The following KIF13A variants were observed in gnomAD, a reference collection of about 807,000 sequenced individuals.
The protein encoded by KIF13A is kinesin-like protein KIF13A.
KIF13A carries 79 observed loss-of-function variants against 212.2 expected under a neutral mutation model. The observed-to-expected ratio is 0.37, with a 90% CI of 0.31 to 0.45. The LOEUF (loss-of-function observed/expected upper bound fraction) is 0.45, where lower values mean the gene tolerates loss of function less well. Ranked by LOEUF, KIF13A falls within the 20% of genes least tolerant of loss-of-function variation. KIF13A has a pLI of 1.00. For synonymous variants in KIF13A, 789 were observed against 808.6 expected, an observed-to-expected ratio of 0.98 and a Z score of 0.41; for missense variants, 1,901 against 2,209.0, an observed-to-expected ratio of 0.86 and a Z score of 2.79.
In KIF13A at chr6:17,837,347, G is replaced by A; in HGVS notation, c.942+125C>T. 2 of 710,820 alleles carry A rather than the reference G, an allele frequency of 2.8e-6. No homozygotes were observed. Among genetic ancestry groups the A allele is most frequent in the Non-Finnish European group, 4.8e-6 (2 of 418,884 alleles). The allele number at this position is 710,820 out of a possible 1,614,324, so 44.0% of individuals were successfully genotyped here. On this transcript the variant is annotated intron_variant, in intron 10 of 38. Transcript: ENST00000259711. This position sits in a 1 kb window ranked among gnomAD's most constrained non-coding sequence, Gnocchi z 5.4. ...AATAGTTTTCATTCTGTGTTCCTAG[G>A]AATTAGAATAACTGTCATCAGGAGA...
At chr6:17,908,064 G>A (rs949394433) in intron 2 of KIF13A, among the ~76,000 whole-genome samples, 4 of 152,156 alleles carry the variant, frequency 2.6e-5, no homozygotes, top group African/African-American at 9.7e-5. Flanking sequence ...AAGACAAAAA[G>A]TAGGACAGAA....
intron 12 of KIF13A, among the ~76,000 whole-genome samples, chr6:17,833,531 A>G (rs1245939817): frequency 6.8e-6 from 1 of 147,214 alleles, no homozygotes; most frequent in Non-Finnish European, 1.5e-5. Flanking sequence ...TGATCTTTGC[A>G]ATCTCTGGTT....
At chr6:17,940,469 A>G (rs1247182375) in intron 2 of KIF13A, among the ~76,000 whole-genome samples, 1 of 152,228 alleles carries the variant, frequency 6.6e-6, no homozygotes, top group African/African-American at 2.4e-5. Flanking sequence ...TAGTGAACCT[A>G]CAGATGAAAC....
chr6:17,864,833 T>C (rs116791887), intron 4 of KIF13A, among the ~76,000 whole-genome samples: 1,892 of 152,284 alleles, frequency 0.012, 44 homozygotes, highest in African/African-American at 0.043. Flanking sequence ...GTGTCCACAC[T>C]TGTGCATAAT....
At chr6:17,986,764 C>T (rs1233098586) in intron 2 of KIF13A, among the ~76,000 whole-genome samples, 2 of 152,262 alleles carry the variant, frequency 1.3e-5, no homozygotes, top group African/African-American at 4.8e-5. Flanking sequence ...GGACGAATCA[C>T]CTATGGGGTC....
chr6:17,949,619 T>G (rs1428763324), intron 2 of KIF13A, among the ~76,000 whole-genome samples: 1 of 152,126 alleles, frequency 6.6e-6, no homozygotes, highest in African/African-American at 2.4e-5. Flanking sequence ...AGTTCTTAAT[T>G]TTCTAGAGTT....
chr6:17,902,235 G>A (rs907976092), intron 2 of KIF13A, among the ~76,000 whole-genome samples: 12 of 152,058 alleles, frequency 7.9e-5, no homozygotes, highest in African/African-American at 2.7e-4. Flanking sequence ...CTTGCCTAAA[G>A]GTGTGTTTAT....
chr6:17,771,938 G>T lies in KIF13A; in HGVS notation c.4446C>A (p.Ala1482=). The part of the protein sequence containing the change: ...PVKEEHKKRI[A]LEARPLLSQE... Reference sequence around the variant, plus strand: ...GGCTTAGAAGAGGCCTTGCTTCCAGGGCTATCCTTTTCTTATGCTCCTCTT... The same window carrying T: ...GGCTTAGAAGAGGCCTTGCTTCCAGTGCTATCCTTTTCTTATGCTCCTCTT... Residue 1482 remains alanine (A), a synonymous_variant, in exon 37 of 39, where the codon GCC becomes GCA. Coordinates refer to ENST00000259711, the MANE Select transcript of KIF13A (RefSeq NM_022113.6). The surrounding 1 kb of genome is among the most constrained non-coding windows in gnomAD (Gnocchi z 5.4). The T allele has an allele frequency of 6.2e-7, 1 of 1,613,922 alleles. No homozygotes were observed. The highest frequency in any genetic ancestry group is 8.5e-7 in the Non-Finnish European group (1 of 1,179,860).
chr6:17,804,392 T>C lies in KIF13A; in HGVS notation c.2423A>G (p.Tyr808Cys). The change falls in exon 20 of 39, where the codon TAT becomes TGT. Residue 808 changes from tyrosine to cysteine, a missense_variant. Tyr to Cys is a radical substitution (Grantham distance 194). Around this residue, in one of 5 missense-constraint regions of KIF13A, gnomAD observed 534 missense variants for 536.9 expected, o/e 0.99. Transcript: ENST00000259711. ...ECLFCDVKLQ[Y>C]AVPIISQQGE... ...CTGCTGGCTGATGATAGGGACTGCA[T>C]ACTGAAGTTTCACATCACAGAAGAG... is the stretch of plus-strand genomic sequence containing the variant. The C allele has an allele frequency of 6.4e-7, 1 of 1,553,526 alleles. No individual in the cohort carries two copies. The highest frequency in any genetic ancestry group is 8.7e-7 in the Non-Finnish European group (1 of 1,147,764).
intron 2 of KIF13A, among the ~76,000 whole-genome samples, chr6:17,979,247 T>G (rs899408435): frequency 6.6e-6 from 1 of 152,118 alleles, no homozygotes; most frequent in African/African-American, 2.4e-5. Context: ...GAGTCCAGAT[T>G]GTGCCACTGC....
chr6:17,941,045 G>C (rs185522185), intron 2 of KIF13A, among the ~76,000 whole-genome samples: 1 of 151,974 alleles, frequency 6.6e-6, no homozygotes, highest in Non-Finnish European at 1.5e-5. Flanking sequence ...GGCTGGTCTC[G>C]AACTCCTGAC....
At chr6:17,937,835 A>G (rs926780631) in intron 2 of KIF13A, among the ~76,000 whole-genome samples, 3 of 148,094 alleles carry the variant, frequency 2.0e-5, no homozygotes, top group African/African-American at 7.5e-5. Flanking sequence ...CGCAACCTCC[A>G]CCTCCCAGGC....
At chr6:17,938,455 G>C (rs1053145501) in intron 2 of KIF13A, among the ~76,000 whole-genome samples, 4 of 152,166 alleles carry the variant, frequency 2.6e-5, no homozygotes, top group Non-Finnish European at 4.4e-5. Context: ...GCTTCATGAA[G>C]ATAGAACGGT....
chr6:17,898,783 CTCAGAAA>C lies in KIF13A; in HGVS notation c.147-610_147-604del, dbSNP rs1468944123. Among the ~76,000 whole-genome samples, 1 of 152,154 alleles carries C rather than the reference CTCAGAAA, an allele frequency of 6.6e-6. No individual in the cohort carries two copies. The highest frequency in any genetic ancestry group is 2.4e-5 in the African/African-American group (1 of 41,438). On this transcript the variant is annotated intron_variant, in intron 2 of 38. Coordinates refer to ENST00000259711, the MANE Select transcript of KIF13A (RefSeq NM_022113.6). This position sits in a 1 kb window ranked among gnomAD's most constrained non-coding sequence, Gnocchi z 5.2. The stretch of plus-strand genomic sequence containing the variant: ...AAACGTTTGTTTTACACGTTAATAA[CTCAGAAA>C]TGACTGAAATTGCACCTGGAAAAAA...
At chr6:17,964,699 C>A (rs1277688620) in intron 2 of KIF13A, among the ~76,000 whole-genome samples, 1 of 152,000 alleles carries the variant, frequency 6.6e-6, no homozygotes, top group Non-Finnish European at 1.5e-5. Flanking sequence ...GACAATTGGA[C>A]AAAAATGATA....
rs1581373184 is a variant in KIF13A, at chr6:17,808,760, A to G, written c.2163+8T>C. 1.2e-6 allele frequency: 2 copies of G among 1,608,960 alleles called. No homozygotes were observed. Among genetic ancestry groups the G allele is most frequent in the Non-Finnish European group, 1.7e-6 (2 of 1,178,060 alleles). On this transcript the variant is annotated splice_region_variant and intron_variant, in intron 18 of 38. Transcript: ENST00000259711. ...CATCTTGCCCTCTCACTTGAAGGAC[A>G]TTCTTACCTTCCTATTGGCACTGAG... is the stretch of plus-strand genomic sequence containing the variant.
At chr6:17,913,949 G>C (rs937887673) in intron 2 of KIF13A, among the ~76,000 whole-genome samples, 1 of 152,162 alleles carries the variant, frequency 6.6e-6, no homozygotes. Context: ...AACTGTTGCT[G>C]GATCCCAGAG....
chr6:17,907,986 T>G (rs966293036), intron 2 of KIF13A, among the ~76,000 whole-genome samples: 2 of 152,204 alleles, frequency 1.3e-5, no homozygotes, highest in Admixed American at 6.5e-5. Context: ...AGACACGCAC[T>G]GGTGAGCCTC....
chr6:17,784,998 C>T (rs1188553367), intron 28 of KIF13A, among the ~76,000 whole-genome samples: 1 of 152,012 alleles, frequency 6.6e-6, no homozygotes, highest in East Asian at 1.9e-4. Context: ...CTCTTAAATG[C>T]CCTGGATATG....
Sources: gnomAD v4.1 joint callset for allele counts (sites outside exome capture counted in the v4.1 genomes callset) on GRCh38, gnomAD v4.1.1 for gene constraint, gnomAD v4.1.1 regional missense constraint, Gnocchi (gnomAD v3.1) non-coding constraint, MANE v1.5 for transcripts, NCBI Gene and HGNC (gene_info 2026-07-23, HGNC 2026-07-21) for gene names.